The following USP28 variants were observed in gnomAD, a reference collection of about 807,000 sequenced individuals.
USP28 encodes ubiquitin specific peptidase 28.
In USP28, 113 loss-of-function variants were observed where a neutral mutation model predicts 145.0. The observed-to-expected ratio is 0.78, with a 90% CI of 0.67 to 0.91. USP28 has a LOEUF of 0.91. Among genes scored for constraint, USP28 ranks in the 40% least tolerant of loss-of-function variants. The pLI, the probability that USP28 is intolerant of heterozygous loss-of-function variation, is 0.00. For synonymous variants in USP28, 447 were observed against 450.9 expected (o/e 0.99, Z 0.11); for missense variants, 1,201 against 1,289.6 (o/e 0.93, Z 1.05).
chr11:113,854,413 G>T, intron 1 of USP28, 78 bp from the exon 2 acceptor site: 1 of 1,405,176 alleles, frequency 7.1e-7, no homozygotes, highest in Non-Finnish European at 1.0e-6. Flanking sequence ...ATAACTAAAA[G>T]CATCTTGGAT....
At chr11:113,870,976 C>T (rs543890564) in intron 1 of USP28, among the ~76,000 whole-genome samples, 3 of 152,046 alleles carry the variant, frequency 2.0e-5, no homozygotes, top group Non-Finnish European at 4.4e-5. Context: ...GACAAGTGCA[C>T]GGTAAAATGG....
At chr11:113,872,181 A>T (rs980837091) in intron 1 of USP28, among the ~76,000 whole-genome samples, 2 of 152,240 alleles carry the variant, frequency 1.3e-5, no homozygotes, top group East Asian at 1.9e-4. Flanking sequence ...TTGATGAAAC[A>T]GAACACATGG....
chr11:113,844,622 T>C (rs920141261), intron 3 of USP28, among the ~76,000 whole-genome samples: 1 of 152,102 alleles, frequency 6.6e-6, no homozygotes, highest in African/African-American at 2.4e-5. Context: ...CTCCAAAGAA[T>C]ACACAAGATA....
At position 113,852,649 on chromosome 11, in the gene USP28, A is replaced by G; in HGVS notation, c.136-16T>C. 6.2e-7 allele frequency: 1 copy of G among 1,611,378 alleles called. No individual in the cohort carries two copies. The highest frequency in any genetic ancestry group is 8.5e-7 in the Non-Finnish European group (1 of 1,179,828). On this transcript the variant is annotated splice_polypyrimidine_tract_variant and intron_variant, in intron 2 of 24. Coordinates refer to ENST00000003302, the Ensembl canonical transcript of USP28. Reference sequence around the variant, plus strand: ...CATTACTGGCCTATGGGAGAAAAAGACAATAGAAATTTCAAAAGTAATCAT... The same window carrying G: ...CATTACTGGCCTATGGGAGAAAAAGGCAATAGAAATTTCAAAAGTAATCAT...
chr11:113,801,851 T>C, intron 23 of USP28, 173 bp from the exon 25 acceptor site: 1 of 518,448 alleles, frequency 1.9e-6, no homozygotes, highest in Non-Finnish European at 3.3e-6. Context: ...TTAATTAGTG[T>C]TTAGATGACC....
chr11:113,845,096 G>A (rs1167467734), intron 3 of USP28, among the ~76,000 whole-genome samples: 2 of 150,134 alleles, frequency 1.3e-5, no homozygotes, highest in Admixed American at 1.3e-4. Flanking sequence ...CTCCAACCTG[G>A]GTAACAGTGA....
intron 24 of USP28, among the ~76,000 whole-genome samples, chr11:113,800,094 C>A (rs769109628): frequency 6.6e-6 from 1 of 152,094 alleles, no homozygotes; most frequent in Non-Finnish European, 1.5e-5. Flanking sequence ...CAAGCTCCGC[C>A]TCCCGGGTTC....
chr11:113,824,474 A>C (rs1020523192), intron 11 of USP28, among the ~76,000 whole-genome samples: 1 of 151,768 alleles, frequency 6.6e-6, no homozygotes, highest in African/African-American at 2.4e-5. Flanking sequence ...CCCATCACCA[A>C]GTCTGATTAA....
chr11:113,845,646 C>G (rs1030677211), intron 3 of USP28, among the ~76,000 whole-genome samples: 2 of 152,122 alleles, frequency 1.3e-5, no homozygotes, highest in African/African-American at 2.4e-5. Context: ...ACAATCTCAG[C>G]TCACTGTAGC....
At chr11:113,807,853 A>G (rs1366043050) in intron 18 of USP28, 98 bp downstream of exon 19, 1 of 842,332 alleles carries the variant, frequency 1.2e-6, no homozygotes, top group Non-Finnish European at 1.4e-6. Context: ...TTTTGCAACG[A>G]GAAAATATCA....
chr11:113,831,966 G>C, exon 8 of USP28: 1 of 1,613,888 alleles, frequency 6.2e-7, no homozygotes, highest in Non-Finnish European at 8.5e-7. Context: ...CAATCCAGGA[G>C]CTTGTGTGTG....
intron 1 of USP28, among the ~76,000 whole-genome samples, chr11:113,862,421 T>G (rs1195789030): frequency 1.3e-5 from 2 of 151,846 alleles, no homozygotes; most frequent in East Asian, 3.9e-4. Flanking sequence ...TCAGGAAGAG[T>G]TTAGGTTTGA....
rs564149825 is a variant in USP28, at chr11:113,856,807, G to A, written c.58-2472C>T. Among the ~76,000 whole-genome samples the A allele has an allele frequency of 3.5e-3, 527 of 152,192 alleles. 2 individuals are homozygous for A. Among genetic ancestry groups the A allele is most frequent in the Middle Eastern group, 0.017 (5 of 294 alleles). On this transcript the variant is annotated intron_variant, in intron 1 of 24. Transcript: ENST00000003302. ...GGCTCACTGCAACCTCCGACTCCCG[G>A]GTTCAAGCGATTCTCCTGCCTCAGC...
chr11:113,798,169 G>A (rs1331897038), exon 25 of USP28: 1 of 141,898 alleles, frequency 7.0e-6, no homozygotes, highest in Admixed American at 7.7e-5. Flanking sequence ...CCCAGACTTT[G>A]GGAGGCTGAG....
chr11:113,861,815 T>A (rs1947725035), intron 1 of USP28, among the ~76,000 whole-genome samples: 1 of 152,212 alleles, frequency 6.6e-6, no homozygotes, highest in Non-Finnish European at 1.5e-5. Context: ...TTTCTTTGAA[T>A]ACATGTTCCA....
intron 3 of USP28, among the ~76,000 whole-genome samples, chr11:113,849,868 G>A (rs1946273956): frequency 1.3e-5 from 2 of 152,144 alleles, no homozygotes. Context: ...GTCCTGACAG[G>A]TATAGGCACT....
At chr11:113,864,128 C>T (rs1034825415) in intron 1 of USP28, among the ~76,000 whole-genome samples, 2 of 151,894 alleles carry the variant, frequency 1.3e-5, no homozygotes, top group Admixed American at 6.6e-5. Context: ...GTAGTCCCAG[C>T]TACTCGGGAG....
intron 1 of USP28, among the ~76,000 whole-genome samples, chr11:113,873,768 T>TA (rs1949051228): frequency 6.6e-6 from 1 of 151,244 alleles, no homozygotes; most frequent in African/African-American, 2.4e-5. Context: ...CATCTAACAA[T>TA]ATTTCCATTA....
intron 3 of USP28, among the ~76,000 whole-genome samples, chr11:113,847,316 A>G (rs1040678693): frequency 6.6e-6 from 1 of 152,264 alleles, no homozygotes; most frequent in South Asian, 2.1e-4. Flanking sequence ...ATCTACATTT[A>G]TAGGAAAGAC....
Sources: gnomAD v4.1 joint callset for allele counts (sites outside exome capture counted in the v4.1 genomes callset) on GRCh38, gnomAD v4.1.1 for gene constraint, MANE v1.5 for transcripts, NCBI Gene and HGNC (gene_info 2026-07-23, HGNC 2026-07-21) for gene names.